Variants in RANBP17 observed in about 807,000 individuals in gnomAD.
RANBP17 encodes the protein RAN binding protein 17.
A neutral mutation model predicts 141.2 loss-of-function variants in RANBP17; 158 were observed. The ratio of observed to expected loss-of-function variants is 1.12; its 90% CI spans 0.98 to 1.28. RANBP17 has a LOEUF of 1.28. RANBP17 is among the 50% of genes most tolerant of loss of function. The pLI is 0.00. For missense variants in RANBP17, 1,438 were observed against 1,290.7 expected, an observed-to-expected ratio of 1.11 and a Z score of -1.75; for synonymous variants, 430 against 450.0, an observed-to-expected ratio of 0.96 and a Z score of 0.56.
At chr5:171,262,384 A>G (rs1766391794) in intron 24 of RANBP17, among the ~76,000 whole-genome samples, 1 of 152,198 alleles carries the variant, frequency 6.6e-6, no homozygotes, top group African/African-American at 2.4e-5. Flanking sequence ...TGTAAAACCA[A>G]AGCTCCCTTT....
intron 5 of RANBP17, 57 bp from the exon 6 acceptor site, chr5:170,909,604 A>C (rs1265711680): frequency 2.0e-6 from 1 of 509,650 alleles, no homozygotes; most frequent in Non-Finnish European, 3.2e-6. Context: ...TTTTTAGTAA[A>C]TTTTGGTTTG....
At chr5:170,863,608 A>T in intron 1 of RANBP17, 1 of 152,220 alleles carries the variant, frequency 6.6e-6, no homozygotes, top group East Asian at 1.9e-4. Flanking sequence ...GAAGAATCTT[A>T]CAAGGAGGAT....
At chr5:171,007,965 C>A (rs1256708840) in intron 14 of RANBP17, among the ~76,000 whole-genome samples, 1 of 152,130 alleles carries the variant, frequency 6.6e-6, no homozygotes, top group African/African-American at 2.4e-5. Context: ...TGTGGGTGAG[C>A]AGCCAAAGCA....
At chr5:170,973,821 C>A (rs377387699) in intron 14 of RANBP17, among the ~76,000 whole-genome samples, 1 of 152,214 alleles carries the variant, frequency 6.6e-6, no homozygotes, top group East Asian at 1.9e-4. Flanking sequence ...ATAGTTGGTG[C>A]CGTCTCTCTG....
At chr5:171,081,061 C>T in intron 14 of RANBP17, among the ~76,000 whole-genome samples, 1 of 152,144 alleles carries the variant, frequency 6.6e-6, no homozygotes, top group East Asian at 1.9e-4. Context: ...AATTGGAGCC[C>T]AGAGGCTCTA....
At chr5:170,888,172 C>T (rs1018607273) in intron 3 of RANBP17, among the ~76,000 whole-genome samples, 13 of 151,868 alleles carry the variant, frequency 8.6e-5, no homozygotes, top group Non-Finnish European at 1.5e-4. Context: ...GTATTGTGTT[C>T]GGTATGGTGT....
At chr5:170,966,373 G>A (rs1338714019) in intron 13 of RANBP17, among the ~76,000 whole-genome samples, 1 of 152,180 alleles carries the variant, frequency 6.6e-6, no homozygotes, top group Non-Finnish European at 1.5e-5. Context: ...TCCCTGGAAT[G>A]CAAGGCTGGT....
chr5:170,988,829 A>G (rs1778324335), intron 14 of RANBP17, among the ~76,000 whole-genome samples: 2 of 151,664 alleles, frequency 1.3e-5, no homozygotes, highest in African/African-American at 4.8e-5. Context: ...TTATTTTTGT[A>G]CCAAATTAAA....
Position 171,071,871 on chromosome 5 carries a change from A to C in RANBP17, c.1711-98259A>C, listed in dbSNP as rs567784280. On this transcript the variant is annotated intron_variant, in intron 14 of 27. Coordinates refer to ENST00000523189, the MANE Select transcript of RANBP17 (RefSeq NM_022897.5). Reference sequence around the variant, plus strand: ...ACAACTCATTAAAACTTTTTTGAGAAATTGGACTTTATTATCAAAAGTTTA... The same window carrying C: ...ACAACTCATTAAAACTTTTTTGAGACATTGGACTTTATTATCAAAAGTTTA... Among the ~76,000 whole-genome samples, 186 of 152,188 alleles carry C rather than the reference A, an allele frequency of 1.2e-3. No individual in the cohort carries two copies. In the Middle Eastern group the frequency reaches 0.014, roughly 11 times the overall value.
intron 12 of RANBP17, among the ~76,000 whole-genome samples, chr5:170,951,555 C>T (rs1212542724): frequency 6.6e-6 from 1 of 152,170 alleles, no homozygotes; most frequent in South Asian, 2.1e-4. Flanking sequence ...TCTAATGAGA[C>T]ATAAAGTAGC....
At chr5:171,124,352 C>T (rs753689353) in intron 14 of RANBP17, among the ~76,000 whole-genome samples, 9 of 151,818 alleles carry the variant, frequency 5.9e-5, no homozygotes, top group Admixed American at 3.3e-4. Context: ...CCCAGTATAC[C>T]ATATGAGATG....
chr5:170,946,777 C>G (rs911317637), intron 12 of RANBP17, among the ~76,000 whole-genome samples: 1 of 152,140 alleles, frequency 6.6e-6, no homozygotes, highest in Non-Finnish European at 1.5e-5. Context: ...ACATAACAAG[C>G]TTTTTTTCTT....
intron 14 of RANBP17, among the ~76,000 whole-genome samples, chr5:171,053,349 G>T (rs928544772): frequency 1.3e-5 from 2 of 151,992 alleles, no homozygotes; most frequent in African/African-American, 4.8e-5. Context: ...TTCAACTCTT[G>T]CTCCCTTACT....
At chr5:171,012,817 T>A (rs1356635075) in intron 14 of RANBP17, among the ~76,000 whole-genome samples, 1 of 152,230 alleles carries the variant, frequency 6.6e-6, no homozygotes, top group Non-Finnish European at 1.5e-5. Context: ...TTGAGAAGTT[T>A]AAAGTATACT....
At chr5:171,266,801 A>G (rs1766714462) in intron 25 of RANBP17, among the ~76,000 whole-genome samples, 1 of 152,012 alleles carries the variant, frequency 6.6e-6, no homozygotes, top group Non-Finnish European at 1.5e-5. Context: ...AGTCCCAGCT[A>G]GTCGGGATGC....
At chr5:171,186,631 G>T (rs1417681506) in intron 18 of RANBP17, among the ~76,000 whole-genome samples, 8 of 130,940 alleles carry the variant, frequency 6.1e-5, no homozygotes, top group African/African-American at 2.0e-4. Flanking sequence ...CCGCCTCCCG[G>T]GTTCACGCCA....
chr5:170,885,596 A>C (rs1472131877), intron 3 of RANBP17, among the ~76,000 whole-genome samples: 2 of 152,208 alleles, frequency 1.3e-5, no homozygotes, highest in Admixed American at 1.3e-4. Flanking sequence ...TCTGAGGGCC[A>C]AAAATGTGAC....
chr5:171,038,142 T>C (rs1782002826), intron 14 of RANBP17, among the ~76,000 whole-genome samples: 1 of 149,534 alleles, frequency 6.7e-6, no homozygotes, highest in South Asian at 2.2e-4. Context: ...TACCTTTTTG[T>C]TTAGATGTAT....
chr5:171,001,798 T>G (rs1278118936), intron 14 of RANBP17, among the ~76,000 whole-genome samples: 2 of 152,092 alleles, frequency 1.3e-5, no homozygotes, highest in Non-Finnish European at 2.9e-5. Flanking sequence ...GTTATTGGAC[T>G]GTATAGAGGT....
Sources: gnomAD v4.1 joint callset for allele counts (sites outside exome capture counted in the v4.1 genomes callset) on GRCh38, gnomAD v4.1.1 for gene constraint, MANE v1.5 for transcripts, NCBI Gene and HGNC (gene_info 2026-07-23, HGNC 2026-07-21) for gene names.